TNKS: variants seen among roughly 807,000 people sequenced by gnomAD.
The protein encoded by TNKS is poly [ADP-ribose] polymerase tankyrase-1.
A neutral mutation model predicts 135.8 loss-of-function variants in TNKS; 72 were observed. That is an observed-to-expected ratio of 0.53 (90% CI 0.44 to 0.64). The LOEUF is 0.64. Ranked by LOEUF, TNKS falls within the 30% of genes least tolerant of loss-of-function variation. The probability of loss-of-function intolerance (pLI) is 0.00; values close to 1 mark genes in which losing one functional copy is unlikely to be tolerated. For synonymous variants in TNKS, 849 were observed against 649.3 expected (o/e 1.31, Z -4.68); for missense variants, 1,769 against 1,674.0 (o/e 1.06, Z -0.99).
At chr8:9,706,638 T>A (rs1358222005) in intron 7 of TNKS, among the ~76,000 whole-genome samples, 173 bp from the exon 8 acceptor site, 2 of 152,256 alleles carry the variant, frequency 1.3e-5, no homozygotes, top group South Asian at 2.1e-4. Flanking sequence ...TGCCTTAAAA[T>A]TTTTAAAACA....
At chr8:9,619,524 G>C (rs1020493821) in intron 3 of TNKS, among the ~76,000 whole-genome samples, 2 of 152,198 alleles carry the variant, frequency 1.3e-5, no homozygotes, top group Non-Finnish European at 2.9e-5. Flanking sequence ...TAAGATGGTT[G>C]ATCCTAGTGT....
Position 9,752,583 on chromosome 8 carries a change from G to C in TNKS, c.3110G>C (p.Ser1037Thr), listed in dbSNP as rs1563210657. Residue 1037 changes from serine to threonine, a missense_variant, in exon 20 of 27, where the codon AGC becomes ACC. Ser to Thr is a moderately conservative substitution (Grantham distance 58, BLOSUM62 1). Transcript: ENST00000310430. ...LDMNISQFLK[S>T]LGLEHLRDIF... ...ATGAATATCAGCCAATTTCTAAAAA[G>C]CCTTGGCCTTGAACACCTTCGGGAT... is the stretch of plus-strand genomic sequence containing the variant. The C allele has an allele frequency of 1.9e-6, 3 of 1,613,208 alleles. No individual in the cohort carries two copies. The African/African-American group carries it at 4.0e-5, about 22-fold the overall frequency.
intron 3 of TNKS, among the ~76,000 whole-genome samples, chr8:9,654,288 T>G (rs1309302639): frequency 6.6e-6 from 1 of 152,244 alleles, no homozygotes; most frequent in Non-Finnish European, 1.5e-5. Flanking sequence ...ACATGCCTAC[T>G]GTGCTTTTCT....
At chr8:9,584,245 A>G (rs1798284674) in intron 2 of TNKS, among the ~76,000 whole-genome samples, 3 of 151,468 alleles carry the variant, frequency 2.0e-5, no homozygotes, top group African/African-American at 4.9e-5. Context: ...TTAGTATCCA[A>G]TTCTTTTTCT....
At chr8:9,605,639 T>A (rs1233774895) in intron 2 of TNKS, among the ~76,000 whole-genome samples, 1 of 152,146 alleles carries the variant, frequency 6.6e-6, no homozygotes, top group Admixed American at 6.5e-5. Flanking sequence ...CAGTTTAGAA[T>A]CTCCTCATTA....
intron 6 of TNKS, among the ~76,000 whole-genome samples, chr8:9,705,141 A>G (rs1190853664): frequency 6.6e-6 from 1 of 152,236 alleles, no homozygotes; most frequent in Non-Finnish European, 1.5e-5. Context: ...AACCAAAATC[A>G]TAAGTATACA....
Position 9,779,629 on chromosome 8 carries a change from G to C in TNKS, c.*2893G>C, listed in dbSNP as rs889025014. On this transcript the variant is annotated 3_prime_UTR_variant, in exon 27 of 27. Transcript: ENST00000310430. ...AATTACTAGTCTGGAATTAAAATTA[G>C]CTCCAGCAATGACCTTTGACTCCAT... is the stretch of plus-strand genomic sequence containing the variant. The C allele has an allele frequency of 6.6e-6, 1 of 152,108 alleles. No homozygotes were observed. The highest frequency in any genetic ancestry group is 2.4e-5 in the African/African-American group (1 of 41,412). The allele number at this position is 152,108 out of a possible 1,614,324, so 9.4% of individuals were successfully genotyped here. A position where few individuals can be genotyped will look rare whatever the true frequency, so the allele number is the denominator to read the frequency against.
intron 23 of TNKS, 89 bp downstream of exon 23, chr8:9,764,879 T>TA: frequency 9.6e-7 from 1 of 1,045,826 alleles, no homozygotes; most frequent in Non-Finnish European, 1.4e-6. Context: ...TATTAAGTCA[T>TA]ATTTTCAAAC....
chr8:9,583,385 C>G (rs1016170097), intron 2 of TNKS, among the ~76,000 whole-genome samples: 4 of 152,124 alleles, frequency 2.6e-5, no homozygotes, highest in African/African-American at 9.7e-5. Flanking sequence ...CTTCAGAAAT[C>G]AATACATTTT....
intron 3 of TNKS, among the ~76,000 whole-genome samples, chr8:9,666,249 A>G (rs1279803290): frequency 3.3e-5 from 5 of 152,336 alleles, no homozygotes; most frequent in African/African-American, 1.2e-4. Context: ...TAGTAGGGTA[A>G]ATAAAACGTG....
rs1172629066 is a variant in TNKS at position 9,778,682 on chromosome 8, T to G, written c.*1946T>G. The G allele has an allele frequency of 1.3e-5, 2 of 152,618 alleles. No homozygotes were observed. The allele number at this position is 152,618 out of a possible 1,614,324, so 9.5% of individuals were successfully genotyped here. On this transcript the variant is annotated 3_prime_UTR_variant, in exon 27 of 27. Transcript: ENST00000310430. ...TTGATATTCATTAAGAGGGCTTTTT[T>G]TCCCCTTCTTTCCTTCTCTTTTGCT...
At chr8:9,630,071 T>TC (rs988865449) in intron 3 of TNKS, among the ~76,000 whole-genome samples, 1 of 152,212 alleles carries the variant, frequency 6.6e-6, no homozygotes, top group African/African-American at 2.4e-5. Flanking sequence ...TAGTATCTAG[T>TC]CCAGCCACCA....
At chr8:9,749,642 T>G (rs1806414647) in intron 18 of TNKS, among the ~76,000 whole-genome samples, 1 of 151,866 alleles carries the variant, frequency 6.6e-6, no homozygotes. Context: ...GCCTGGCTAT[T>G]TTTTTTGTTT....
At chr8:9,596,630 C>G (rs1227618480) in intron 2 of TNKS, among the ~76,000 whole-genome samples, 1 of 152,184 alleles carries the variant, frequency 6.6e-6, no homozygotes, top group African/African-American at 2.4e-5. Flanking sequence ...ACTTACCAAG[C>G]ATTCCCACTG....
chr8:9,755,464 C>G (rs1179652751), intron 20 of TNKS, among the ~76,000 whole-genome samples: 2 of 152,192 alleles, frequency 1.3e-5, no homozygotes, highest in Non-Finnish European at 2.9e-5. Flanking sequence ...TACTACCTTT[C>G]TTTGTATTGA....
intron 18 of TNKS, among the ~76,000 whole-genome samples, chr8:9,750,413 C>G (rs1037427618): frequency 1.1e-4 from 17 of 152,216 alleles, no homozygotes; most frequent in South Asian, 2.1e-4. Context: ...GATAAACACA[C>G]CAGTCCAGTT....
intron 17 of TNKS, among the ~76,000 whole-genome samples, chr8:9,742,276 G>C (rs1416470309): frequency 6.6e-6 from 1 of 150,522 alleles, no homozygotes; most frequent in East Asian, 1.9e-4. Flanking sequence ...CTTTTTTTTG[G>C]CAAACTTTGA....
Position 9,635,173 on chromosome 8 carries a change from GAA to G in TNKS, c.994+19512_994+19513del, listed in dbSNP as rs35383195. Among the ~76,000 whole-genome samples the G allele has an allele frequency of 1.9e-3, 250 of 129,196 alleles. 1 individual carries two copies. The highest frequency in any genetic ancestry group is 6.7e-3 in the African/African-American group (237 of 35,372). 84.8% of individuals were successfully genotyped at this position (129,196 alleles called of 152,430 possible). ...CGACAGAGCGAGACTCCGTCTCGGG[GAA>G]AAAAAAAAAAAAAAAGTAATGAACT... On this transcript the variant is annotated intron_variant, in intron 3 of 26. Coordinates refer to ENST00000310430, the MANE Select transcript of TNKS (RefSeq NM_003747.3).
At chr8:9,663,435 A>G (rs1367386697) in intron 3 of TNKS, among the ~76,000 whole-genome samples, 1 of 152,184 alleles carries the variant, frequency 6.6e-6, no homozygotes, top group Non-Finnish European at 1.5e-5. Context: ...TTTACTGCTT[A>G]TTTCACTTCT....
Sources: gnomAD v4.1 joint callset for allele counts (sites outside exome capture counted in the v4.1 genomes callset) on GRCh38, gnomAD v4.1.1 for gene constraint, MANE v1.5 for transcripts, NCBI Gene and HGNC (gene_info 2026-07-23, HGNC 2026-07-21) for gene names.